Variants in SGMS1 observed in about 807,000 individuals in gnomAD.
The protein encoded by SGMS1 is sphingomyelin synthase 1.
In SGMS1, 13 loss-of-function variants were observed where a neutral mutation model predicts 46.2. The observed-to-expected ratio is 0.28, with a 90% confidence interval of 0.18 to 0.45. The LOEUF is 0.45. Ranked by LOEUF, SGMS1 falls within the 20% of genes least tolerant of loss-of-function variation. SGMS1 has a pLI of 1.00. For synonymous variants in SGMS1, 203 were observed against 187.8 expected (o/e 1.08, Z -0.66); for missense variants, 324 against 519.9 (o/e 0.62, Z 3.66).
At chr10:50,618,744 G>GTT (rs1186997121) in intron 1 of SGMS1, among the ~76,000 whole-genome samples, 2 of 152,170 alleles carry the variant, frequency 1.3e-5, no homozygotes, top group African/African-American at 2.4e-5. Flanking sequence ...AAACAGGTAT[G>GTT]TTTGTACACC....
chr10:50,335,548 A>C (rs1434890932), intron 7 of SGMS1: 1 of 152,236 alleles, frequency 6.6e-6, no homozygotes, highest in Non-Finnish European at 1.5e-5. Context: ...CTAAATCAAG[A>C]ATGATCTTCC....
chr10:50,624,083 C>A, upstream of SGMS1: 2 of 985,168 alleles, frequency 2.0e-6, no homozygotes, highest in Non-Finnish European at 2.4e-6. Context: ...GGGCTCCTCC[C>A]GGGACCGAGC....
intron 1 of SGMS1, among the ~76,000 whole-genome samples, chr10:50,591,309 T>C (rs2983365): frequency 0.83 from 126,731 of 152,052 alleles, 52,940 homozygotes; most frequent in East Asian, 1. Context: ...CCCCAAGCCC[T>C]GGGCTTGTCT....
At chr10:50,468,821 G>C (rs924911522) in intron 3 of SGMS1, among the ~76,000 whole-genome samples, 15 of 152,190 alleles carry the variant, frequency 9.9e-5, no homozygotes, top group Non-Finnish European at 2.2e-4. Context: ...TACCTTTTAA[G>C]GCAATATGTA....
Position 50,396,497 on chromosome 10 carries a change from G to C in SGMS1, c.-232+36979C>G, listed in dbSNP as rs368017763. Among the ~76,000 whole-genome samples the C allele has an allele frequency of 2.6e-5, 4 of 152,204 alleles. No homozygotes were observed. The East Asian group carries it at 5.8e-4, about 22-fold the overall frequency. On this transcript the variant is annotated intron_variant, in intron 6 of 10. Coordinates refer to ENST00000361781, the MANE Select transcript of SGMS1 (RefSeq NM_147156.4). Reference sequence around the variant, plus strand: ...GAAGGGGGGATATTTTGGAACTAGAGAGAGGAAGGAACATGTTAATCTTAA... The same window carrying C: ...GAAGGGGGGATATTTTGGAACTAGACAGAGGAAGGAACATGTTAATCTTAA...
intron 6 of SGMS1, among the ~76,000 whole-genome samples, chr10:50,398,716 AAC>A (rs1223960655): frequency 6.6e-6 from 1 of 152,176 alleles, no homozygotes. Context: ...AAACAAGCTT[AAC>A]AGTTCTCTTG....
chr10:50,368,033 T>C (rs1284279335), intron 6 of SGMS1, among the ~76,000 whole-genome samples: 1 of 152,238 alleles, frequency 6.6e-6, no homozygotes, highest in Non-Finnish European at 1.5e-5. Flanking sequence ...TTCCAATAGA[T>C]GTCCTGGGAC....
intron 2 of SGMS1, among the ~76,000 whole-genome samples, chr10:50,582,630 G>A (rs1838445333): frequency 6.6e-6 from 1 of 152,160 alleles, no homozygotes; most frequent in Non-Finnish European, 1.5e-5. Context: ...ATTGTCCCAA[G>A]CATGTGCCCG....
intron 2 of SGMS1, among the ~76,000 whole-genome samples, chr10:50,545,027 G>C (rs920367928): frequency 2.6e-5 from 4 of 152,194 alleles, no homozygotes; most frequent in African/African-American, 9.7e-5. Context: ...CTGTTGCTCT[G>C]AGGTGAAAAT....
chr10:50,311,522 T>A, intron 8 of SGMS1, 107 bp from the exon 9 acceptor site: 1 of 879,128 alleles, frequency 1.1e-6, no homozygotes, highest in South Asian at 2.3e-5. Flanking sequence ...TTAAGAAACA[T>A]AAAATCCCCA....
chr10:50,372,833 T>C (rs1257412668), intron 6 of SGMS1, among the ~76,000 whole-genome samples: 1 of 152,190 alleles, frequency 6.6e-6, no homozygotes, highest in Admixed American at 6.5e-5. Flanking sequence ...AAAAAATTTC[T>C]TAAATATATA....
At chr10:50,450,559 A>T (rs1837093763) in intron 5 of SGMS1, among the ~76,000 whole-genome samples, 2 of 152,194 alleles carry the variant, frequency 1.3e-5, no homozygotes, top group Admixed American at 1.3e-4. Context: ...GAAGAAAAAG[A>T]TTCCATAAAT....
upstream of SGMS1, chr10:50,624,662 T>G (rs1838901712): frequency 1.0e-6 from 1 of 985,262 alleles, no homozygotes; most frequent in Non-Finnish European, 1.2e-6. Flanking sequence ...TAGGCCGGGG[T>G]CGGAGCCCGC....
At chr10:50,623,288 GGGT>G (rs1838873806) in intron 1 of SGMS1, among the ~76,000 whole-genome samples, 1 of 152,144 alleles carries the variant, frequency 6.6e-6, no homozygotes, top group Non-Finnish European at 1.5e-5. Flanking sequence ...GTCGGCCCCT[GGGT>G]GGGGGTCTCC....
intron 3 of SGMS1, among the ~76,000 whole-genome samples, chr10:50,495,015 G>A (rs1356551538): frequency 2.4e-5 from 3 of 125,578 alleles, no homozygotes; most frequent in East Asian, 2.2e-4. Flanking sequence ...CAGCCTGGGC[G>A]ACAGAGCGAG....
At chr10:50,555,749 T>C (rs1484730535) in intron 2 of SGMS1, among the ~76,000 whole-genome samples, 1 of 152,208 alleles carries the variant, frequency 6.6e-6, no homozygotes, top group Non-Finnish European at 1.5e-5. Flanking sequence ...CCTTCCTGCA[T>C]GGCTAGCTTT....
At chr10:50,328,080 T>C in intron 7 of SGMS1, 1 of 390,152 alleles carries the variant, frequency 2.6e-6, no homozygotes, top group Non-Finnish European at 4.9e-6. Flanking sequence ...TATTATTAGG[T>C]TCTAACAAAA....
chr10:50,520,799 A>G (rs183172279), intron 2 of SGMS1, among the ~76,000 whole-genome samples: 43 of 152,360 alleles, frequency 2.8e-4, no homozygotes, highest in Non-Finnish European at 1.2e-4. Flanking sequence ...AAAGGGTAGA[A>G]AATCCACACA....
intron 5 of SGMS1, among the ~76,000 whole-genome samples, chr10:50,446,054 A>G (rs1837008839): frequency 6.6e-6 from 1 of 152,134 alleles, no homozygotes; most frequent in African/African-American, 2.4e-5. Context: ...CACCTAATCA[A>G]TTTTGGTCAG....
Sources: gnomAD v4.1 joint callset for allele counts (sites outside exome capture counted in the v4.1 genomes callset) on GRCh38, gnomAD v4.1.1 for gene constraint, MANE v1.5 for transcripts, NCBI Gene and HGNC (gene_info 2026-07-23, HGNC 2026-07-21) for gene names.